Variants in NAV3 observed in about 807,000 individuals in gnomAD.
NAV3 encodes the protein pore membrane and/or filament interacting like protein 1.
In NAV3, 87 loss-of-function variants were observed where a neutral mutation model predicts 244.7. That is an observed-to-expected ratio of 0.36 (90% CI 0.30 to 0.42). The LOEUF (loss-of-function observed/expected upper bound fraction) is 0.42. NAV3 is among the 20% of genes least tolerant of loss of function. The pLI, the probability that NAV3 is intolerant of heterozygous loss-of-function variation, is 1.00. For synonymous variants in NAV3, 1,126 were observed against 1,042.2 expected (o/e 1.08, Z -1.55); for missense variants, 2,663 against 2,893.3 (o/e 0.92, Z 1.83).
intron 2 of NAV3, among the ~76,000 whole-genome samples, chr12:77,692,432 G>T (rs1875076686): frequency 6.6e-6 from 1 of 151,980 alleles, no homozygotes; most frequent in African/African-American, 2.4e-5. Flanking sequence ...CTAGCCCTCA[G>T]TTTGTCAATC....
At chr12:77,964,637 A>G (rs1302710757) in intron 3 of NAV3, among the ~76,000 whole-genome samples, 1 of 152,212 alleles carries the variant, frequency 6.6e-6, no homozygotes, top group Non-Finnish European at 1.5e-5. Flanking sequence ...GAAGAAAGGA[A>G]AGAATTAATA....
intron 1 of NAV3, among the ~76,000 whole-genome samples, chr12:77,916,357 C>T (rs1466358084): frequency 2.0e-5 from 3 of 151,800 alleles, no homozygotes; most frequent in Non-Finnish European, 2.9e-5. Flanking sequence ...AAAGACTAAA[C>T]ATAAGTCTCT....
intron 2 of NAV3, among the ~76,000 whole-genome samples, chr12:77,762,900 G>T (rs931164968): frequency 3.3e-5 from 5 of 152,198 alleles, no homozygotes; most frequent in Non-Finnish European, 5.9e-5. Context: ...GCTTCCAGTG[G>T]CTCTCTGAGA....
upstream of NAV3, among the ~76,000 whole-genome samples, chr12:77,828,429 C>T (rs372634084): frequency 5.3e-5 from 8 of 152,100 alleles, no homozygotes; most frequent in African/African-American, 1.4e-4. Context: ...ACAGTGGGTT[C>T]GAGATGAATA....
intron 2 of NAV3, among the ~76,000 whole-genome samples, chr12:77,653,315 T>C (rs1204801211): frequency 6.6e-6 from 1 of 152,208 alleles, no homozygotes; most frequent in Non-Finnish European, 1.5e-5. Context: ...TGAGTATTTG[T>C]TGACTGACTG....
In NAV3 at chr12:78,091,623, C is replaced by T. The variant is rs975847223; in HGVS notation, c.2637-25149C>T. 2.6e-5 allele frequency: 4 copies of T among 151,086 alleles called. 1 individual carries two copies. Among genetic ancestry groups the T allele is most frequent in the Middle Eastern group, 6.8e-3 (2 of 294 alleles). The allele number at this position is 151,086 out of a possible 1,614,324, so 9.4% of individuals were successfully genotyped here. A position where few individuals can be genotyped will look rare whatever the true frequency, so the allele number is the denominator to read the frequency against. ...CATCCCGGCTAAAACGGTGAAACCCCGTCTCTACTAAAAATACAAAAAATT... is the reference window on the plus strand; with the variant it reads ...CATCCCGGCTAAAACGGTGAAACCCTGTCTCTACTAAAAATACAAAAAATT... On this transcript the variant is annotated intron_variant, in intron 12 of 39. Coordinates refer to ENST00000397909, the MANE Select transcript of NAV3 (RefSeq NM_001024383.2).
chr12:78,119,468 C>T lies in NAV3; in HGVS notation c.3272C>T (p.Ala1091Val). Residue 1091 changes from alanine (A) to valine (V), a missense_variant, in exon 15 of 40, where the codon GCA (alanine) becomes GTA (valine). Transcript: ENST00000397909. ...SSGATITSGS[A>V]TLGKIPKSAA... ...GGAGCAACCATAACAAGTGGCTCTG[C>T]AACACTGGGTAAAATTCCAAAATCT... 6.2e-7 allele frequency: 1 copy of T among 1,614,160 alleles called. No individual in the cohort carries two copies. The highest frequency in any genetic ancestry group is 8.5e-7 in the Non-Finnish European group (1 of 1,180,032).
chr12:77,586,452 A>G (rs1386976496), intron 2 of NAV3, among the ~76,000 whole-genome samples: 2 of 152,166 alleles, frequency 1.3e-5, no homozygotes, highest in African/African-American at 4.8e-5. Flanking sequence ...TGGGCTTTTC[A>G]TATACTTGTT....
At position 78,159,247 on chromosome 12, in the gene NAV3, T is replaced by C; in HGVS notation, c.4830T>C (p.Thr1610=). ...AAFEKSLGNM[T]GRLQSLTMTA... ...TTGAAAAGAGCTTAGGGAATATGAC[T>C]GGCCGATTGCAAAGTCTAACTATGA... Residue 1610 remains threonine, a synonymous_variant, in exon 23 of 40, where the codon ACT becomes ACC. Coordinates refer to ENST00000397909, the MANE Select transcript of NAV3 (RefSeq NM_001024383.2). 1.2e-6 allele frequency: 2 copies of C among 1,613,474 alleles called. No individual in the cohort carries two copies. Among genetic ancestry groups the C allele is most frequent in the South Asian group, 1.1e-5 (1 of 91,048 alleles).
At chr12:78,142,723 ATGTGTG>A (rs34539948) in intron 20 of NAV3, among the ~76,000 whole-genome samples, 1 of 106,236 alleles carries the variant, frequency 9.4e-6, no homozygotes, top group Non-Finnish European at 2.0e-5. Flanking sequence ...ATACATATAT[ATGTGTG>A]TGTGTGTGTA....
At chr12:77,971,521 T>C (rs948708758) in intron 5 of NAV3, among the ~76,000 whole-genome samples, 1 of 152,110 alleles carries the variant, frequency 6.6e-6, no homozygotes, top group Non-Finnish European at 1.5e-5. Context: ...AGAATTTATG[T>C]GGACTTACCT....
In NAV3 at chr12:78,210,618, A is replaced by AG. The variant is rs1362525851; in HGVS notation, c.*104dup. On this transcript the variant is annotated 3_prime_UTR_variant, in exon 40 of 40. Coordinates refer to ENST00000397909, the MANE Select transcript of NAV3 (RefSeq NM_001024383.2). Reference sequence around the variant, plus strand: ...CTGCCAGTATAAAAGCACCCTGTCAAGGGCCCTGACCCAGAGTTGTGGTCT... The same window carrying AG: ...CTGCCAGTATAAAAGCACCCTGTCAAGGGGCCCTGACCCAGAGTTGTGGTCT... The AG allele has an allele frequency of 7.1e-7, 1 of 1,408,094 alleles. No homozygotes were observed. The highest frequency in any genetic ancestry group is 1.4e-5 in the African/African-American group (1 of 68,992). The allele number at this position is 1,408,094 out of a possible 1,614,324, so 87.2% of individuals were successfully genotyped here.
chr12:77,918,534 A>C (rs2137135741), intron 1 of NAV3, among the ~76,000 whole-genome samples: 1 of 152,112 alleles, frequency 6.6e-6, no homozygotes, highest in African/African-American at 2.4e-5. Flanking sequence ...TTTATTCACA[A>C]TTTTGTGGGT....
intron 39 of NAV3, among the ~76,000 whole-genome samples, chr12:78,207,005 T>C (rs188838936): frequency 4.6e-5 from 7 of 152,002 alleles, no homozygotes; most frequent in Admixed American, 2.0e-4. Context: ...ATTACAGTCA[T>C]GCACCACCAT....
chr12:77,961,811 G>A (rs949070286), intron 3 of NAV3, among the ~76,000 whole-genome samples: 15 of 140,662 alleles, frequency 1.1e-4, no homozygotes, highest in Non-Finnish European at 1.8e-4. Flanking sequence ...GGTCCTCTAT[G>A]TATACATTAC....
chr12:77,774,201 T>C (rs1382723410), intron 2 of NAV3, among the ~76,000 whole-genome samples: 1 of 152,172 alleles, frequency 6.6e-6, no homozygotes, highest in Non-Finnish European at 1.5e-5. Flanking sequence ...AGAATAAACA[T>C]GCCATCTTCA....
In NAV3 at chr12:77,746,056, A is replaced by G. The variant is rs947153007; in HGVS notation, c.72+173790A>G. On this transcript the variant is annotated intron_variant, in intron 2 of 8. Coordinates refer to the NAV3 transcript ENST00000550042. ...GTAGTAAATTATGGTAACCTGATGC[A>G]CAGTCAGCAAGCTGATAATAATAAC... is the stretch of plus-strand genomic sequence containing the variant. Among the ~76,000 whole-genome samples, 5 of 151,578 alleles carry G rather than the reference A, an allele frequency of 3.3e-5. No homozygotes were observed. In the East Asian group the frequency reaches 9.7e-4, roughly 29 times the overall value.
At chr12:78,202,289 C>T (rs1036863070) in intron 38 of NAV3, among the ~76,000 whole-genome samples, 3 of 151,902 alleles carry the variant, frequency 2.0e-5, no homozygotes, top group Admixed American at 1.3e-4. Context: ...TATTTCGATA[C>T]ATTATTTGTT....
intron 2 of NAV3, among the ~76,000 whole-genome samples, chr12:77,807,808 C>T (rs1392338605): frequency 6.6e-6 from 1 of 152,174 alleles, no homozygotes; most frequent in Non-Finnish European, 1.5e-5. Flanking sequence ...CTTTCACGTA[C>T]ACCAATCAAA....
Sources: gnomAD v4.1 joint callset for allele counts (sites outside exome capture counted in the v4.1 genomes callset) on GRCh38, gnomAD v4.1.1 for gene constraint, MANE v1.5 for transcripts, NCBI Gene and HGNC (gene_info 2026-07-23, HGNC 2026-07-21) for gene names.